Variants in BCL2L13 observed in about 807,000 individuals in gnomAD.
BCL2L13 encodes bcl-2-like protein 13.
BCL2L13 carries 13 observed loss-of-function variants against 25.8 expected under a neutral mutation model. That is an observed-to-expected ratio of 0.50 (90% CI 0.33 to 0.80). The LOEUF is 0.80. BCL2L13 is among the 30% of genes least tolerant of loss of function. The probability of loss-of-function intolerance (pLI) is 0.02; values close to 1 mark genes in which losing one functional copy is unlikely to be tolerated. For synonymous variants in BCL2L13, 244 were observed against 230.3 expected (o/e 1.06, Z -0.54); for missense variants, 504 against 574.9 (o/e 0.88, Z 1.26).
chr22:17,655,592 T>C, intron 1 of BCL2L13, 70 bp from the exon 2 acceptor site: 1 of 1,266,688 alleles, frequency 7.9e-7, no homozygotes, highest in South Asian at 1.6e-5. Flanking sequence ...CAAGACATTT[T>C]GGTGTGAAAC....
rs2061344905 is a variant in BCL2L13 at position 17,728,163 on chromosome 22, TA to T, written c.*630del. The T allele has an allele frequency of 6.4e-6, 1 of 155,138 alleles. No individual in the cohort carries two copies. The highest frequency in any genetic ancestry group is 2.4e-5 in the African/African-American group (1 of 41,452). The allele number at this position is 155,138 out of a possible 1,614,324, so 9.6% of individuals were successfully genotyped here. ...CCTGGAGTGTGAGGGTGCTCGCCCGTACTCTCAGCTGCCTCTCAGGGACTGC... is the reference window on the plus strand; with the variant it reads ...CCTGGAGTGTGAGGGTGCTCGCCCGTCTCTCAGCTGCCTCTCAGGGACTGC... On this transcript the variant is annotated 3_prime_UTR_variant, in exon 7 of 7. Coordinates refer to ENST00000317582, the MANE Select transcript of BCL2L13 (RefSeq NM_015367.4).
At chr22:17,650,172 C>T (rs2058635260) in intron 1 of BCL2L13, among the ~76,000 whole-genome samples, 1 of 152,182 alleles carries the variant, frequency 6.6e-6, no homozygotes, top group East Asian at 1.9e-4. Context: ...GCCCGGCTGA[C>T]TCTTCTTATT....
chr22:17,646,955 A>ATATATTTTTTTTTT (rs768488873), intron 1 of BCL2L13, among the ~76,000 whole-genome samples: 2 of 22,188 alleles, frequency 9.0e-5, no homozygotes, highest in Non-Finnish European at 1.5e-4. Flanking sequence ...ATATATATAT[A>ATATATTTTTTTTTT]TTTTTTTTTT....
intron 2 of BCL2L13, among the ~76,000 whole-genome samples, chr22:17,667,641 C>T (rs1422514200): frequency 2.6e-5 from 4 of 151,646 alleles, no homozygotes; most frequent in African/African-American, 4.8e-5. Context: ...CCTGAGTAGC[C>T]GGGATTATGG....
chr22:17,645,717 A>G (rs1304553210), intron 1 of BCL2L13, among the ~76,000 whole-genome samples: 2 of 151,506 alleles, frequency 1.3e-5, no homozygotes, highest in Non-Finnish European at 2.9e-5. Flanking sequence ...AGGTTCATGG[A>G]TGTTTTATTT....
chr22:17,719,565 T>C (rs2061043917), intron 6 of BCL2L13, among the ~76,000 whole-genome samples: 1 of 152,106 alleles, frequency 6.6e-6, no homozygotes, highest in African/African-American at 2.4e-5. Context: ...TGAAATATTA[T>C]TCTCAGCCAT....
At chr22:17,695,768 G>A (rs2060247795) in intron 4 of BCL2L13, 1 of 156,524 alleles carries the variant, frequency 6.4e-6, no homozygotes, top group Admixed American at 6.4e-5. Context: ...TTTAAAAAAA[G>A]TTAAAATTCT....
At chr22:17,691,552 A>G in intron 4 of BCL2L13, among the ~76,000 whole-genome samples, 1 of 152,184 alleles carries the variant, frequency 6.6e-6, no homozygotes, top group Non-Finnish European at 1.5e-5. Flanking sequence ...AGGCTGAGGC[A>G]GGAGAATGGT....
chr22:17,675,656 T>G (rs2059556011), intron 2 of BCL2L13, among the ~76,000 whole-genome samples: 1 of 152,140 alleles, frequency 6.6e-6, no homozygotes, highest in Admixed American at 6.6e-5. Flanking sequence ...ATGACAGAGA[T>G]TACCTTAGCC....
chr22:17,691,108 C>G (rs1023493020), intron 4 of BCL2L13, among the ~76,000 whole-genome samples: 1 of 152,218 alleles, frequency 6.6e-6, no homozygotes, highest in South Asian at 2.1e-4. Flanking sequence ...TCAAGCAACT[C>G]TCCCACCTCA....
At chr22:17,668,156 G>T (rs5992783) in intron 2 of BCL2L13, among the ~76,000 whole-genome samples, 14,036 of 149,952 alleles carry the variant, frequency 0.094, 757 homozygotes, top group Non-Finnish European at 0.11. Context: ...GATTACAGGC[G>T]CACACCACGA....
intron 5 of BCL2L13, among the ~76,000 whole-genome samples, chr22:17,697,729 A>C (rs1479673769): frequency 6.6e-6 from 1 of 152,162 alleles, no homozygotes; most frequent in Admixed American, 6.5e-5. Context: ...TATGTTACCT[A>C]TCGGTACATA....
chr22:17,705,755 GT>G (rs1220107835), intron 6 of BCL2L13, among the ~76,000 whole-genome samples: 1 of 152,080 alleles, frequency 6.6e-6, no homozygotes, highest in African/African-American at 2.4e-5. Context: ...TCGCATGTCT[GT>G]TATATAAAGC....
intron 1 of BCL2L13, among the ~76,000 whole-genome samples, chr22:17,653,000 G>A (rs182421587): frequency 1.3e-5 from 2 of 152,106 alleles, no homozygotes; most frequent in Non-Finnish European, 2.9e-5. Flanking sequence ...AGGAGGCGGA[G>A]CTTGCAGTGA....
intron 5 of BCL2L13, among the ~76,000 whole-genome samples, chr22:17,700,060 C>T (rs543207510): frequency 1.3e-5 from 2 of 151,978 alleles, no homozygotes; most frequent in South Asian, 4.2e-4. Context: ...TAGCATGTAC[C>T]ACCAAGAAGC....
chr22:17,680,540 AAG>A (rs1491019801), intron 2 of BCL2L13, among the ~76,000 whole-genome samples: 3,617 of 30,428 alleles, frequency 0.12, 1,108 homozygotes, highest in East Asian at 0.19. Flanking sequence ...AAAAAAAAAA[AAG>A]AAAAAAAGAC....
At chr22:17,685,806 CTG>C (rs1185797993) in intron 3 of BCL2L13, among the ~76,000 whole-genome samples, 2 of 93,236 alleles carry the variant, frequency 2.1e-5, no homozygotes, top group Non-Finnish European at 3.8e-5. Context: ...AAGTCTCGCT[CTG>C]TTGCCCAGGC....
chr22:17,726,496 G>C (rs993164883), intron 6 of BCL2L13, among the ~76,000 whole-genome samples, 181 bp from the exon 7 acceptor site: 4 of 152,256 alleles, frequency 2.6e-5, no homozygotes, highest in African/African-American at 9.6e-5. Context: ...TCAGAAGACT[G>C]TCAAAAATTC....
intron 1 of BCL2L13, among the ~76,000 whole-genome samples, chr22:17,640,733 C>T (rs987357466): frequency 4.0e-5 from 6 of 151,134 alleles, no homozygotes; most frequent in Admixed American, 1.3e-4. Context: ...GGCATAGGTC[C>T]CAGCTACTTG....
Sources: gnomAD v4.1 joint callset for allele counts (sites outside exome capture counted in the v4.1 genomes callset) on GRCh38, gnomAD v4.1.1 for gene constraint, MANE v1.5 for transcripts, NCBI Gene and HGNC (gene_info 2026-07-23, HGNC 2026-07-21) for gene names.